Variants in CD276 observed in about 807,000 individuals in gnomAD.
CD276 encodes the protein CD276 antigen.
Under a neutral mutation model 50.0 loss-of-function variants are expected in CD276, and 34 were observed. The ratio of observed to expected loss-of-function variants is 0.68; its 90% confidence interval spans 0.52 to 0.91. The LOEUF is 0.91. Among genes scored for constraint, CD276 ranks in the 40% least tolerant of loss-of-function variants. The probability of loss-of-function intolerance (pLI) is 0.00; values close to 1 mark genes in which losing one functional copy is unlikely to be tolerated. For missense variants in CD276, 634 were observed against 717.5 expected, an observed-to-expected ratio of 0.88 and a Z score of 1.33; for synonymous variants, 275 against 313.0, an observed-to-expected ratio of 0.88 and a Z score of 1.28.
At chr15:73,684,360 T>A (rs1028931951), upstream of CD276, 2 of 151,112 alleles carry the variant, frequency 1.3e-5, no homozygotes. Flanking sequence ...CCCCTCGGAC[T>A]CCCCGGGCCG....
At chr15:73,686,880 G>C (rs1015013142) in intron 1 of CD276, among the ~76,000 whole-genome samples, 1 of 152,118 alleles carries the variant, frequency 6.6e-6, no homozygotes, top group Admixed American at 6.5e-5. Flanking sequence ...ATAGGGTCAG[G>C]GAAAGAGGAA....
chr15:73,710,623 C>A (rs919492782), intron 8 of CD276, among the ~76,000 whole-genome samples: 4 of 152,236 alleles, frequency 2.6e-5, no homozygotes, highest in African/African-American at 7.2e-5. Flanking sequence ...CCAATTAATT[C>A]TTTGCCTGTT....
At chr15:73,699,903 TA>T (rs1900312401) in intron 2 of CD276, among the ~76,000 whole-genome samples, 185 bp downstream of exon 2, 1 of 152,182 alleles carries the variant, frequency 6.6e-6, no homozygotes, top group Non-Finnish European at 1.5e-5. Context: ...TCCTTGTCTG[TA>T]AAATGGGAAC....
intron 4 of CD276, 25 bp downstream of exon 4, chr15:73,703,111 G>A (rs1900482875): frequency 1.3e-6 from 2 of 1,546,758 alleles, no homozygotes; most frequent in Admixed American, 3.9e-5. Flanking sequence ...ATGTCCCCTT[G>A]GGGGAGGGGG....
intron 2 of CD276, among the ~76,000 whole-genome samples, chr15:73,701,590 C>T (rs972118850): frequency 2.0e-5 from 3 of 152,166 alleles, no homozygotes; most frequent in Non-Finnish European, 4.4e-5. Flanking sequence ...GTTTCCTCTA[C>T]GGGGTTCTCT....
intron 1 of CD276, among the ~76,000 whole-genome samples, chr15:73,693,780 TG>T (rs1472341853): frequency 6.6e-6 from 1 of 151,778 alleles, no homozygotes; most frequent in Non-Finnish European, 1.5e-5. Context: ...GAGACAAATT[TG>T]GGCTAAGTAT....
chr15:73,689,613 C>T (rs1022947948), intron 1 of CD276, among the ~76,000 whole-genome samples: 3 of 152,188 alleles, frequency 2.0e-5, no homozygotes, highest in Non-Finnish European at 2.9e-5. Context: ...GTCCTATAAT[C>T]ATCCTATGAG....
At position 73,708,488 on chromosome 15, in the gene CD276, A is replaced by G. The variant is rs372288103; in HGVS notation, c.1504+15A>G. Reference sequence around the variant, plus strand: ...GGAGAATGCAGGTGAGTGTGTGTGTATGTGTGTGCGTGCGCATGCACACTT... The same window carrying G: ...GGAGAATGCAGGTGAGTGTGTGTGTGTGTGTGTGCGTGCGCATGCACACTT... On this transcript the variant is annotated intron_variant, in intron 7 of 9. Coordinates refer to ENST00000318443, the MANE Select transcript of CD276 (RefSeq NM_001024736.2). The G allele has an allele frequency of 6.9e-5, 111 of 1,609,194 alleles. No homozygotes were observed. The highest frequency in any genetic ancestry group is 1.8e-4 in the South Asian group (16 of 90,310).
chr15:73,693,500 T>C (rs563524436), intron 1 of CD276, among the ~76,000 whole-genome samples: 2 of 152,288 alleles, frequency 1.3e-5, no homozygotes, highest in South Asian at 4.1e-4. Context: ...AAATGAAATA[T>C]CCTGTAAAAC....
rs115891169 is a variant in CD276 at position 73,690,786 on chromosome 15, G to A, written c.-55+6326G>A. ...GCAGCAACACTGTGAGGTAGGAAAG[G>A]GAGTCCTATGTTGTAGGAACTGGAA... On this transcript the variant is annotated intron_variant, in intron 1 of 9. Transcript: ENST00000318443. 4.9e-3 allele frequency: 2,222 copies of A among 455,634 alleles called. 46 individuals carry two copies. Among genetic ancestry groups the A allele is most frequent in the African/African-American group, 0.04 (1,981 of 50,080 alleles). The allele number at this position is 455,634 out of a possible 1,614,324, so 28.2% of individuals were successfully genotyped here. A position where few individuals can be genotyped will look rare whatever the true frequency, so the allele number is the denominator to read the frequency against.
intron 1 of CD276, chr15:73,686,359 G>A: frequency 5.3e-6 from 5 of 940,676 alleles, no homozygotes; most frequent in Non-Finnish European, 6.3e-6. Context: ...GGAATCTGAG[G>A]ACCCTGTTTT....
chr15:73,712,508 C>G (rs923856604), intron 9 of CD276, among the ~76,000 whole-genome samples: 8 of 152,246 alleles, frequency 5.3e-5, no homozygotes, highest in Non-Finnish European at 8.8e-5. Context: ...AGGAGGGCCC[C>G]TGCCGTGTCA....
intron 2 of CD276, among the ~76,000 whole-genome samples, chr15:73,700,841 C>G (rs1900349256): frequency 8.2e-6 from 1 of 121,914 alleles, no homozygotes; most frequent in Non-Finnish European, 1.8e-5. Context: ...ACAATCTAAC[C>G]ATTACCGGAG....
intron 1 of CD276, among the ~76,000 whole-genome samples, chr15:73,695,286 T>A (rs998637548): frequency 2.0e-5 from 3 of 152,184 alleles, no homozygotes; most frequent in Non-Finnish European, 2.9e-5. Flanking sequence ...GGGCTCATTT[T>A]CTAGAATTCC....
intron 1 of CD276, among the ~76,000 whole-genome samples, chr15:73,695,866 A>T (rs1411942830): frequency 6.6e-6 from 1 of 151,980 alleles, no homozygotes; most frequent in Non-Finnish European, 1.5e-5. Context: ...GGGGATTGGG[A>T]GGAAGTAGGG....
At chr15:73,711,445 A>G (rs547305310) in intron 9 of CD276, 14 of 414,798 alleles carry the variant, frequency 3.4e-5, no homozygotes, top group African/African-American at 2.4e-4. Flanking sequence ...AAAACCACTG[A>G]TGACCTGGAG....
At chr15:73,711,090 TC>T in intron 8 of CD276, 44 bp from the exon 9 acceptor site, 1 of 1,610,916 alleles carries the variant, frequency 6.2e-7, no homozygotes. Context: ...CCCCACCACT[TC>T]CCATGGTTCC....
Position 73,713,875 on chromosome 15 carries a change from CTG to C in CD276, c.*923_*924del, listed in dbSNP as rs547890362. On this transcript the variant is annotated 3_prime_UTR_variant, in exon 10 of 10. Transcript: ENST00000318443. ...TATTGAGCAACTACAGATGTCAGCA[CTG>C]TGTTAGGTGCTGGGGGCCCTGCGTG... 6.2e-3 allele frequency: 2,624 copies of C among 421,814 alleles called. 87 individuals are homozygous for C. Among genetic ancestry groups the C allele is most frequent in the South Asian group, 0.036 (2,103 of 58,386 alleles). 26.1% of individuals were successfully genotyped at this position (421,814 alleles called of 1,614,324 possible). A position where few individuals can be genotyped will look rare whatever the true frequency, so the allele number is the denominator to read the frequency against.
chr15:73,711,016 G>A, intron 8 of CD276, 119 bp from the exon 9 acceptor site: 1 of 988,782 alleles, frequency 1.0e-6, no homozygotes, highest in Non-Finnish European at 1.6e-6. Context: ...CTATGAAGTG[G>A]TCCCACTCTG....
Sources: gnomAD v4.1 joint callset for allele counts (sites outside exome capture counted in the v4.1 genomes callset) on GRCh38, gnomAD v4.1.1 for gene constraint, MANE v1.5 for transcripts, NCBI Gene and HGNC (gene_info 2026-07-23, HGNC 2026-07-21) for gene names.